Variants in COMMD1 observed in about 807,000 individuals in gnomAD.
COMMD1 encodes the protein COMM domain-containing protein 1.
A neutral mutation model predicts 17.2 loss-of-function variants in COMMD1; 10 were observed. That is an observed-to-expected ratio of 0.58 (90% CI 0.36 to 0.99). The LOEUF (loss-of-function observed/expected upper bound fraction) is 0.99, where lower values mean the gene tolerates loss of function less well. Ranked by LOEUF, COMMD1 falls within the 50% of genes least tolerant of loss-of-function variation. The pLI, the probability that COMMD1 is intolerant of heterozygous loss-of-function variation, is 0.01. For missense variants in COMMD1, 270 were observed against 231.8 expected (o/e 1.17, Z -1.07); for synonymous variants, 97 against 91.6 (o/e 1.06, Z -0.34).
chr2:62,069,189 G>A (rs1027413042), intron 2 of COMMD1, among the ~76,000 whole-genome samples: 11 of 151,846 alleles, frequency 7.2e-5, no homozygotes, highest in East Asian at 1.9e-4. Context: ...TAGAGACAAG[G>A]TCTCACTGTG....
rs190643902 is a variant in COMMD1, at chr2:62,049,136, G to A, written c.462+48154G>A. Among the ~76,000 whole-genome samples, 272 of 151,418 alleles carry A rather than the reference G, an allele frequency of 1.8e-3. 2 individuals carry two copies. Among genetic ancestry groups the A allele is most frequent in the African/African-American group, 6.2e-3 (257 of 41,180 alleles). On this transcript the variant is annotated intron_variant, in intron 2 of 2. Transcript: ENST00000311832. ...TTAATTGCCCAATACTAAGGATATGGTATCTACATATTTTAACCCAGAAGC... is the reference window on the plus strand; with the variant it reads ...TTAATTGCCCAATACTAAGGATATGATATCTACATATTTTAACCCAGAAGC...
At chr2:62,117,422 A>G (rs1672637689) in intron 2 of COMMD1, among the ~76,000 whole-genome samples, 1 of 152,250 alleles carries the variant, frequency 6.6e-6, no homozygotes, top group South Asian at 2.1e-4. Context: ...ATTAGTGCCT[A>G]TTAATGATGG....
rs186193541 is a variant in COMMD1, at chr2:61,939,180, G to A, written c.180+33322G>A. On this transcript the variant is annotated intron_variant, in intron 1 of 2. Coordinates refer to ENST00000311832, the MANE Select transcript of COMMD1 (RefSeq NM_152516.4). ...CAAGAATTGATTGGCTTGGCCGGGC[G>A]CGGTGGCTCACACCTGTAATCCCAG... Among the ~76,000 whole-genome samples, 9 of 152,030 alleles carry A rather than the reference G, an allele frequency of 5.9e-5. No homozygotes were observed. In the South Asian group the frequency reaches 6.2e-4, roughly 11 times the overall value.
intron 1 of COMMD1, among the ~76,000 whole-genome samples, chr2:61,998,511 C>T (rs1415674182): frequency 6.6e-6 from 1 of 152,148 alleles, no homozygotes; most frequent in East Asian, 1.9e-4. Flanking sequence ...CTGCCCAATT[C>T]GGCCTCCCAA....
intron 1 of COMMD1, among the ~76,000 whole-genome samples, chr2:61,985,560 C>T (rs560952584): frequency 1.3e-5 from 2 of 152,104 alleles, no homozygotes; most frequent in East Asian, 3.9e-4. Flanking sequence ...TCTTTTCTTC[C>T]TCCTTGTCTT....
intron 1 of COMMD1, among the ~76,000 whole-genome samples, chr2:61,981,397 T>C (rs1265453390): frequency 6.6e-6 from 1 of 152,204 alleles, no homozygotes. Flanking sequence ...GCACCACTTA[T>C]TGAAGAGACT....
chr2:62,065,042 C>G (rs1357585132), intron 2 of COMMD1, among the ~76,000 whole-genome samples: 1 of 152,084 alleles, frequency 6.6e-6, no homozygotes, highest in Non-Finnish European at 1.5e-5. Context: ...GCGGCAAGCA[C>G]CTGTAATCCC....
chr2:62,108,283 C>T (rs1313759196), intron 2 of COMMD1, among the ~76,000 whole-genome samples: 2 of 152,084 alleles, frequency 1.3e-5, no homozygotes, highest in East Asian at 3.9e-4. Flanking sequence ...AAACTTTTCC[C>T]TCTGCCCTCT....
At position 61,965,822 on chromosome 2, in the gene COMMD1, C is replaced by A. The variant is rs1030672160; in HGVS notation, c.181-34879C>A. ...GTTTTAAGTTAATATTTTGTTAGTT[C>A]TTCGCTTTTAAGGAAAAAACTTTTT... On this transcript the variant is annotated intron_variant, in intron 1 of 2. Transcript: ENST00000311832. Among the ~76,000 whole-genome samples, 11 of 152,220 alleles carry A rather than the reference C, an allele frequency of 7.2e-5. No homozygotes were observed. The South Asian group carries it at 1.9e-3, about 26-fold the overall frequency.
At chr2:62,068,620 C>CTTTTTTT (rs67517468) in intron 2 of COMMD1, among the ~76,000 whole-genome samples, 1 of 89,240 alleles carries the variant, frequency 1.1e-5, no homozygotes, top group Non-Finnish European at 2.1e-5. Context: ...GTAGTATAAT[C>CTTTTTTT]TTTTTTTTTT....
intron 2 of COMMD1, among the ~76,000 whole-genome samples, chr2:62,104,755 C>T (rs926559527): frequency 1.3e-5 from 2 of 151,870 alleles, no homozygotes; most frequent in South Asian, 2.1e-4. Context: ...GTGCCAGGCA[C>T]AATGCTAGGT....
chr2:61,909,674 T>A (rs1669856512), intron 1 of COMMD1, among the ~76,000 whole-genome samples: 1 of 152,208 alleles, frequency 6.6e-6, no homozygotes, highest in Admixed American at 6.5e-5. Flanking sequence ...ATTTTTCATA[T>A]AAATGACAAC....
At chr2:62,017,876 C>T (rs776655714) in intron 2 of COMMD1, among the ~76,000 whole-genome samples, 10 of 151,832 alleles carry the variant, frequency 6.6e-5, no homozygotes, top group Non-Finnish European at 1.3e-4. Context: ...GACCCCATCT[C>T]TACAAAAAAT....
chr2:62,012,773 C>G (rs555151325), intron 2 of COMMD1, among the ~76,000 whole-genome samples: 1 of 152,188 alleles, frequency 6.6e-6, no homozygotes, highest in Non-Finnish European at 1.5e-5. Flanking sequence ...GGAAGATTCA[C>G]TTAGCTAGTG....
intron 1 of COMMD1, among the ~76,000 whole-genome samples, chr2:61,945,635 G>A (rs777347296): frequency 6.6e-6 from 1 of 152,180 alleles, no homozygotes; most frequent in Admixed American, 6.5e-5. Context: ...GCCTCAGGAC[G>A]TCCTGATGAC....
chr2:61,998,624 TCTC>T (rs1668837001), intron 1 of COMMD1, among the ~76,000 whole-genome samples: 1 of 152,152 alleles, frequency 6.6e-6, no homozygotes, highest in South Asian at 2.1e-4. Context: ...TTGAAGAACT[TCTC>T]CTTGGCGTTC....
intron 1 of COMMD1, among the ~76,000 whole-genome samples, chr2:61,966,189 C>G (rs1671500607): frequency 6.6e-6 from 1 of 152,170 alleles, no homozygotes; most frequent in Non-Finnish European, 1.5e-5. Flanking sequence ...CCCATTTCCA[C>G]CTATCGCCAG....
At position 61,890,531 on chromosome 2, in the gene COMMD1, A is replaced by G. The variant is rs1278482960; in HGVS notation, n.119+1689A>G. Among the ~76,000 whole-genome samples the G allele has an allele frequency of 2.0e-5, 3 of 152,178 alleles. No homozygotes were observed. In the East Asian group the frequency reaches 5.8e-4, roughly 30 times the overall value. On this transcript the variant is annotated intron_variant and non_coding_transcript_variant, in intron 1 of 2. Coordinates refer to the COMMD1 transcript ENST00000472729. ...GAGCCACCTCGCCAAGTTGTTCTTT[A>G]ACACACATTTAGCATATTAGCACTA...
chr2:61,894,374 T>C (rs1669506980), intron 1 of COMMD1, among the ~76,000 whole-genome samples: 1 of 151,920 alleles, frequency 6.6e-6, no homozygotes, highest in Non-Finnish European at 1.5e-5. Flanking sequence ...AGTGTTGGGA[T>C]TACAGGCGTG....
Sources: allele counts gnomAD v4.1 joint callset (sites outside exome capture counted in the v4.1 genomes callset), GRCh38; gene constraint gnomAD v4.1.1; transcripts MANE v1.5; gene names NCBI Gene and HGNC (gene_info 2026-07-23, HGNC 2026-07-21).